IQGAP2: variants seen among roughly 807,000 people sequenced by gnomAD.
IQGAP2 encodes IQ motif containing GTPase activating protein 2.
IQGAP2 carries 173 observed loss-of-function variants against 201.3 expected under a neutral mutation model. The ratio of observed to expected loss-of-function variants is 0.86; its 90% CI spans 0.76 to 0.98. The LOEUF (loss-of-function observed/expected upper bound fraction) is 0.98. IQGAP2 is among the 50% of genes least tolerant of loss of function. The probability of loss-of-function intolerance (pLI) is 0.00; values close to 1 mark genes in which losing one functional copy is unlikely to be tolerated. For missense variants in IQGAP2, 1,687 were observed against 1,864.8 expected, an observed-to-expected ratio of 0.90 and a Z score of 1.76; for synonymous variants, 675 against 673.9, an observed-to-expected ratio of 1.00 and a Z score of -0.03.
chr5:76,535,540 A>G (rs1252505721), intron 2 of IQGAP2, among the ~76,000 whole-genome samples: 1 of 152,236 alleles, frequency 6.6e-6, no homozygotes, highest in African/African-American at 2.4e-5. Context: ...ACAGCAGAGC[A>G]TTCAACGAAC....
intron 18 of IQGAP2, 32 bp downstream of exon 18, chr5:76,652,865 T>A: frequency 7.5e-7 from 1 of 1,332,554 alleles, no homozygotes. Flanking sequence ...ACCAAGTGCT[T>A]GGCTTAAACG....
At chr5:76,674,840 G>A in intron 27 of IQGAP2, 131 bp downstream of exon 27, 1 of 663,676 alleles carries the variant, frequency 1.5e-6, no homozygotes, top group Non-Finnish European at 2.6e-6. Flanking sequence ...TCTTCTACCA[G>A]CCACTGGGGA....
At chr5:76,454,591 T>C (rs1377016072) in intron 1 of IQGAP2, among the ~76,000 whole-genome samples, 2 of 151,328 alleles carry the variant, frequency 1.3e-5, no homozygotes, top group African/African-American at 2.4e-5. Flanking sequence ...TGGTTTCCAG[T>C]TTCATCCATG....
chr5:76,659,583 C>G (rs1248138921), intron 21 of IQGAP2, among the ~76,000 whole-genome samples: 1 of 152,182 alleles, frequency 6.6e-6, no homozygotes, highest in East Asian at 1.9e-4. Flanking sequence ...TATTATGCAT[C>G]TACATAAAAC....
At chr5:76,656,332 C>A (rs1041064168) in intron 20 of IQGAP2, among the ~76,000 whole-genome samples, 11 of 152,210 alleles carry the variant, frequency 7.2e-5, no homozygotes, top group African/African-American at 2.6e-4. Context: ...CAGGCGCCCA[C>A]CACCGCACCC....
At position 76,529,499 on chromosome 5, in the gene IQGAP2, A is replaced by G. The variant is rs147410367; in HGVS notation, c.147-32897A>G. Among the ~76,000 whole-genome samples, 485 of 152,104 alleles carry G rather than the reference A, an allele frequency of 3.2e-3. 9 individuals carry two copies. The highest frequency in any genetic ancestry group is 0.021 in the East Asian group (110 of 5,150). On this transcript the variant is annotated intron_variant, in intron 2 of 35. Coordinates refer to ENST00000274364, the MANE Select transcript of IQGAP2 (RefSeq NM_006633.5). ...AAAAATTAGCCTGGTGTAGTGGCGCACGCCTGTAATCCCAGCTAGTCAAGA... is the reference window on the plus strand; with the variant it reads ...AAAAATTAGCCTGGTGTAGTGGCGCGCGCCTGTAATCCCAGCTAGTCAAGA...
chr5:76,704,421 A>C (rs1747693587), intron 35 of IQGAP2, among the ~76,000 whole-genome samples: 1 of 152,208 alleles, frequency 6.6e-6, no homozygotes, highest in Non-Finnish European at 1.5e-5. Context: ...CTGGTATAAA[A>C]ACCAAGCTTC....
chr5:76,455,207 G>T (rs1056297419), intron 1 of IQGAP2, among the ~76,000 whole-genome samples: 42 of 152,150 alleles, frequency 2.8e-4, no homozygotes, highest in Admixed American at 1.2e-3. Flanking sequence ...CCAGCACTTT[G>T]GGAGGCTGAG....
At chr5:76,666,143 A>G (rs1192242602) in intron 22 of IQGAP2, among the ~76,000 whole-genome samples, 3 of 152,242 alleles carry the variant, frequency 2.0e-5, no homozygotes, top group Admixed American at 1.3e-4. Context: ...AAAATTCTCT[A>G]CTTGGAATAA....
chr5:76,693,121 C>G (rs570636917), intron 30 of IQGAP2, among the ~76,000 whole-genome samples: 2 of 152,318 alleles, frequency 1.3e-5, no homozygotes, highest in South Asian at 4.1e-4. Context: ...ATGTTACTGA[C>G]AGTATAATGC....
intron 5 of IQGAP2, among the ~76,000 whole-genome samples, chr5:76,588,275 C>T (rs1351493489): frequency 6.6e-6 from 1 of 152,140 alleles, no homozygotes; most frequent in African/African-American, 2.4e-5. Context: ...TAGATGCCAG[C>T]TCTCAAGTTC....
At chr5:76,423,838 T>G (rs1389348406) in intron 1 of IQGAP2, among the ~76,000 whole-genome samples, 1 of 152,130 alleles carries the variant, frequency 6.6e-6, no homozygotes, top group Non-Finnish European at 1.5e-5. Context: ...ATGATGATAA[T>G]TTACACTGTC....
intron 1 of IQGAP2, among the ~76,000 whole-genome samples, chr5:76,420,080 T>C (rs2150079755): frequency 6.6e-6 from 1 of 152,314 alleles, no homozygotes; most frequent in South Asian, 2.1e-4. Context: ...CTGAATCCTC[T>C]GAGGAGTCCA....
chr5:76,674,605 G>A lies in IQGAP2; in HGVS notation c.3423G>A (p.Val1141=). The part of the protein sequence containing the change: ...NSDQRRNLGS[V]AKVLQHAASN... ...ACCAAAGGAGAAACTTAGGATCAGTGGCCAAGGTTCTTCAGCACGCAGCCT... is the reference window on the plus strand; with the variant it reads ...ACCAAAGGAGAAACTTAGGATCAGTAGCCAAGGTTCTTCAGCACGCAGCCT... The change falls in exon 27 of 36, where the codon GTG becomes GTA. Residue 1141 remains valine (V), a synonymous_variant. Coordinates refer to ENST00000274364, the MANE Select transcript of IQGAP2 (RefSeq NM_006633.5). 1.9e-6 allele frequency: 3 copies of A among 1,614,094 alleles called. No individual in the cohort carries two copies. Among genetic ancestry groups the A allele is most frequent in the African/African-American group, 2.7e-5 (2 of 75,034 alleles).
intron 2 of IQGAP2, among the ~76,000 whole-genome samples, chr5:76,519,139 T>G (rs1024594997): frequency 2.0e-5 from 3 of 152,204 alleles, no homozygotes; most frequent in African/African-American, 7.2e-5. Context: ...TATATATTCC[T>G]GTAATCACCA....
rs1192840396 is a variant in IQGAP2, at chr5:76,606,301, A to G, written c.1355A>G (p.Asp452Gly). The G allele has an allele frequency of 1.3e-6, 2 of 1,596,984 alleles. No individual in the cohort carries two copies. Among genetic ancestry groups the G allele is most frequent in the Non-Finnish European group, 1.7e-6 (2 of 1,172,022 alleles). Reference sequence around the variant, plus strand: ...AATGCTCAAATTCAAGAAGAAAATGACCGTAAGTATAAGACACTTTCCTTC... The same window carrying G: ...AATGCTCAAATTCAAGAAGAAAATGGCCGTAAGTATAAGACACTTTCCTTC... ...MVNAQIQEEN[D>G]RVVAVGYINE... The change falls in exon 12 of 36, where the codon GAC (aspartate) becomes GGC (glycine). Residue 452 changes from aspartate (D) to glycine (G), a missense_variant and splice_region_variant. Transcript: ENST00000274364.
chr5:76,454,869 C>T (rs1044732466), intron 1 of IQGAP2, among the ~76,000 whole-genome samples: 3 of 152,196 alleles, frequency 2.0e-5, no homozygotes, highest in African/African-American at 7.2e-5. Flanking sequence ...AATCACCACA[C>T]TAACTTCCAC....
chr5:76,588,227 A>G (rs1355507058), intron 5 of IQGAP2, among the ~76,000 whole-genome samples: 1 of 152,234 alleles, frequency 6.6e-6, no homozygotes, highest in Non-Finnish European at 1.5e-5. Context: ...TGACTCAGTG[A>G]TAAAAGTGGG....
intron 35 of IQGAP2, among the ~76,000 whole-genome samples, chr5:76,703,876 G>T (rs939051923): frequency 1.3e-5 from 2 of 152,168 alleles, no homozygotes; most frequent in African/African-American, 4.8e-5. Context: ...TCCTGAGAGT[G>T]ATGTGAATTC....
Sources: gnomAD v4.1 joint callset for allele counts (sites outside exome capture counted in the v4.1 genomes callset) on GRCh38, gnomAD v4.1.1 for gene constraint, MANE v1.5 for transcripts, NCBI Gene and HGNC (gene_info 2026-07-23, HGNC 2026-07-21) for gene names.